SGIP1: variants seen among roughly 807,000 people sequenced by gnomAD.
SGIP1 encodes SH3GL interacting endocytic adaptor 1, also known as SH3-containing GRB2-like protein 3-interacting protein 1.
SGIP1 carries 38 observed loss-of-function variants against 107.5 expected under a neutral mutation model. The observed-to-expected ratio is 0.35, with a 90% CI of 0.27 to 0.46. The LOEUF (loss-of-function observed/expected upper bound fraction) is 0.46, where lower values mean the gene tolerates loss of function less well. SGIP1 is among the 20% of genes least tolerant of loss of function. SGIP1 has a pLI of 1.00. For missense variants in SGIP1, 929 were observed against 1,019.5 expected (o/e 0.91, Z 1.21); for synonymous variants, 365 against 366.1 (o/e 1.00, Z 0.03).
chr1:66,717,402 T>A (rs2093306508), intron 18 of SGIP1, among the ~76,000 whole-genome samples: 1 of 152,188 alleles, frequency 6.6e-6, no homozygotes, highest in Non-Finnish European at 1.5e-5. Context: ...TAAACCTTAC[T>A]TTTCTGAGAC....
intron 9 of SGIP1, among the ~76,000 whole-genome samples, chr1:66,668,728 A>G (rs1011943151): frequency 4.6e-5 from 7 of 152,244 alleles, no homozygotes; most frequent in Non-Finnish European, 1.0e-4. Context: ...CAAAGATGGT[A>G]TCTGCAGAGA....
chr1:66,564,921 G>GT (rs2059439150), intron 1 of SGIP1, among the ~76,000 whole-genome samples: 2 of 152,028 alleles, frequency 1.3e-5, no homozygotes, highest in East Asian at 3.9e-4. Context: ...TGTAACTAGC[G>GT]TAATAGTAAC....
At chr1:66,539,265 A>T (rs766183398) in intron 1 of SGIP1, among the ~76,000 whole-genome samples, 4 of 152,320 alleles carry the variant, frequency 2.6e-5, no homozygotes, top group South Asian at 2.1e-4. Flanking sequence ...GGAGCATAGT[A>T]AAAGCAGGAA....
At chr1:66,652,366 T>G (rs1356965764) in intron 7 of SGIP1, among the ~76,000 whole-genome samples, 1 of 152,088 alleles carries the variant, frequency 6.6e-6, no homozygotes. Context: ...TTGAGCAAAC[T>G]CACAAGGGCT....
intron 18 of SGIP1, among the ~76,000 whole-genome samples, chr1:66,705,113 C>T (rs941702892): frequency 1.3e-5 from 2 of 152,140 alleles, no homozygotes; most frequent in African/African-American, 4.8e-5. Context: ...AACTATTCTG[C>T]ACTGTGTGTG....
chr1:66,617,830 AT>A (rs149714785), intron 1 of SGIP1, among the ~76,000 whole-genome samples: 2,364 of 152,120 alleles, frequency 0.016, 62 homozygotes, highest in African/African-American at 0.051. Context: ...ATATCTCTCC[AT>A]TTTTTCAAAA....
At chr1:66,599,861 A>G (rs1410291511) in intron 1 of SGIP1, among the ~76,000 whole-genome samples, 1 of 152,134 alleles carries the variant, frequency 6.6e-6, no homozygotes, top group Non-Finnish European at 1.5e-5. Flanking sequence ...AGGGAATTGG[A>G]CACTTGGGAT....
At chr1:66,580,620 T>G (rs2061683984) in intron 1 of SGIP1, among the ~76,000 whole-genome samples, 1 of 152,190 alleles carries the variant, frequency 6.6e-6, no homozygotes, top group South Asian at 2.1e-4. Flanking sequence ...GATGTCTATG[T>G]GATCAATAAA....
At chr1:66,552,703 T>C (rs2057591659) in intron 1 of SGIP1, among the ~76,000 whole-genome samples, 1 of 152,138 alleles carries the variant, frequency 6.6e-6, no homozygotes, top group Non-Finnish European at 1.5e-5. Flanking sequence ...TGAAGTTATT[T>C]TGAGGAATAA....
intron 8 of SGIP1, chr1:66,665,748 T>C (rs2082397032): frequency 6.6e-6 from 1 of 152,272 alleles, no homozygotes; most frequent in Non-Finnish European, 1.5e-5. Context: ...TTCATGTGTC[T>C]ATTGGCTGCA....
At chr1:66,725,720 A>T (rs1280883945) in intron 19 of SGIP1, among the ~76,000 whole-genome samples, 1 of 152,202 alleles carries the variant, frequency 6.6e-6, no homozygotes, top group Non-Finnish European at 1.5e-5. Flanking sequence ...CTAAAAGGGG[A>T]GGTGTGCCCT....
chr1:66,542,893 G>A (rs748524862), intron 1 of SGIP1, among the ~76,000 whole-genome samples: 1 of 152,170 alleles, frequency 6.6e-6, no homozygotes, highest in Admixed American at 6.5e-5. Flanking sequence ...TTGACTCCTA[G>A]TTAAGTGCTG....
intron 18 of SGIP1, among the ~76,000 whole-genome samples, chr1:66,710,479 G>C (rs554218697): frequency 6.6e-6 from 1 of 152,060 alleles, no homozygotes; most frequent in East Asian, 1.9e-4. Flanking sequence ...GTTCACTATT[G>C]GTCACCTTGC....
intron 1 of SGIP1, among the ~76,000 whole-genome samples, chr1:66,579,927 C>T (rs2061586045): frequency 6.6e-6 from 1 of 152,142 alleles, no homozygotes; most frequent in African/African-American, 2.4e-5. Flanking sequence ...ATTCCACTTT[C>T]AATCACCAAC....
intron 3 of SGIP1, 31 bp from the exon 4 acceptor site, chr1:66,635,913 C>T: frequency 6.8e-6 from 11 of 1,609,946 alleles, no homozygotes; most frequent in Non-Finnish European, 9.3e-6. Flanking sequence ...CTTTTAACCA[C>T]TTTTTTCTAC....
intron 21 of SGIP1, among the ~76,000 whole-genome samples, chr1:66,735,426 G>T (rs904264617): frequency 1.3e-5 from 2 of 151,922 alleles, no homozygotes; most frequent in African/African-American, 4.8e-5. Flanking sequence ...TGTTGGCCAG[G>T]CTGGTCTTGA....
chr1:66,694,646 G>T, intron 17 of SGIP1: 1 of 534,124 alleles, frequency 1.9e-6, no homozygotes, highest in Non-Finnish European at 3.0e-6. Context: ...TATATTTACT[G>T]TTCATCATGG....
chr1:66,630,786 A>G (rs1346949938), intron 2 of SGIP1, among the ~76,000 whole-genome samples: 1 of 141,246 alleles, frequency 7.1e-6, no homozygotes. Context: ...AGCCTGGGTG[A>G]CAAGAGCAAA....
intron 12 of SGIP1, among the ~76,000 whole-genome samples, chr1:66,674,358 T>C (rs2084660913): frequency 1.3e-5 from 2 of 152,218 alleles, no homozygotes; most frequent in South Asian, 2.1e-4. Flanking sequence ...AAATGGATCT[T>C]ATCTATCCCT....
Sources: allele counts gnomAD v4.1 joint callset (sites outside exome capture counted in the v4.1 genomes callset), GRCh38; gene constraint gnomAD v4.1.1; transcripts MANE v1.5; gene names NCBI Gene and HGNC (gene_info 2026-07-23, HGNC 2026-07-21).